The following TTC34 variants were observed in gnomAD, a reference collection of about 807,000 sequenced individuals.
TTC34 encodes the protein tetratricopeptide repeat protein 34.
In TTC34, 44 loss-of-function variants were observed where a neutral mutation model predicts 40.7. That is an observed-to-expected ratio of 1.08 (90% CI 0.85 to 1.39). The LOEUF (loss-of-function observed/expected upper bound fraction) is 1.39. TTC34 is among the 40% of genes most tolerant of loss of function. The pLI is 0.00. For missense variants in TTC34, 884 were observed against 838.0 expected (o/e 1.05, Z -0.68); for synonymous variants, 422 against 398.6 (o/e 1.06, Z -0.70).
chr1:2,654,260 G>A (rs1382573438), intron 6 of TTC34, among the ~76,000 whole-genome samples: 1 of 151,670 alleles, frequency 6.6e-6, no homozygotes, highest in Non-Finnish European at 1.5e-5. Context: ...CACCAGGTGA[G>A]CATCTGACAG....
chr1:2,653,378 G>A (rs1225950918), intron 6 of TTC34, among the ~76,000 whole-genome samples: 1 of 144,656 alleles, frequency 6.9e-6, no homozygotes, highest in Non-Finnish European at 1.5e-5. Context: ...CCCCAGGCGA[G>A]CATCTGACAG....
chr1:2,778,587 C>T (rs1643398134), intron 6 of TTC34, among the ~76,000 whole-genome samples: 1 of 152,192 alleles, frequency 6.6e-6, no homozygotes, highest in East Asian at 1.9e-4. Flanking sequence ...CTCTCCTGCC[C>T]CTCCTGCATT....
intron 6 of TTC34, among the ~76,000 whole-genome samples, chr1:2,684,924 G>A (rs1471252140): frequency 5.9e-5 from 8 of 135,692 alleles, no homozygotes; most frequent in Non-Finnish European, 1.1e-4. Context: ...GCACACCCAG[G>A]TGAGCATCCG....
intron 6 of TTC34, among the ~76,000 whole-genome samples, chr1:2,646,031 C>T (rs1050672312): frequency 6.6e-5 from 10 of 152,106 alleles, no homozygotes; most frequent in Non-Finnish European, 1.0e-4. Flanking sequence ...GTCTTGGGGA[C>T]GCCGGAAGGG....
At chr1:2,694,215 AT>A (rs1640758408) in intron 6 of TTC34, among the ~76,000 whole-genome samples, 6 of 125,866 alleles carry the variant, frequency 4.8e-5, no homozygotes, top group Admixed American at 7.6e-5. Flanking sequence ...GACAGCCTGG[AT>A]CAGCACCCAC....
At chr1:2,767,376 C>T (rs1641799176) in intron 6 of TTC34, among the ~76,000 whole-genome samples, 1 of 124,714 alleles carries the variant, frequency 8.0e-6, no homozygotes, top group South Asian at 3.4e-4. Flanking sequence ...AGGTGAGCAT[C>T]CGACAGCCTG....
chr1:2,675,211 G>T (rs1639859790), intron 6 of TTC34, among the ~76,000 whole-genome samples: 3 of 146,974 alleles, frequency 2.0e-5, no homozygotes, highest in Admixed American at 1.4e-4. Flanking sequence ...CCCCAGGTGA[G>T]CATCTGAGAG....
chr1:2,775,850 A>G (rs897103365), intron 6 of TTC34, among the ~76,000 whole-genome samples: 1 of 143,302 alleles, frequency 7.0e-6, no homozygotes, highest in Non-Finnish European at 1.5e-5. Flanking sequence ...GAGGATGCTC[A>G]CCTGAGGTTG....
intron 6 of TTC34, among the ~76,000 whole-genome samples, chr1:2,754,910 G>A (rs1344615638): frequency 4.0e-5 from 3 of 74,188 alleles, no homozygotes; most frequent in Non-Finnish European, 6.9e-5. Context: ...CCCCAGGGGA[G>A]CATCTGACAG....
intron 6 of TTC34, among the ~76,000 whole-genome samples, chr1:2,757,772 C>CAG: frequency 7.8e-6 from 1 of 127,722 alleles, no homozygotes. Context: ...GCATCTGAAC[C>CAG]CACGGAGCAG....
Position 2,677,661 on chromosome 1 carries a change from G to T in TTC34, c.2227-32098C>A, listed in dbSNP as rs1639959840. 2.6e-5 allele frequency among the ~76,000 whole-genome samples: 4 copies of T among 151,744 alleles called. No individual in the cohort carries two copies. The South Asian group carries it at 8.3e-4, about 32-fold the overall frequency. ...GAACAGCACACACACCCCCAGGCGAGCATCTGACAGCCTGGAACAGCACCC... is the reference window on the plus strand; with the variant it reads ...GAACAGCACACACACCCCCAGGCGATCATCTGACAGCCTGGAACAGCACCC... On this transcript the variant is annotated intron_variant, in intron 6 of 8. Transcript: ENST00000401095.
chr1:2,685,836 C>A (rs1570812213), intron 6 of TTC34, among the ~76,000 whole-genome samples: 2 of 135,832 alleles, frequency 1.5e-5, no homozygotes, highest in Non-Finnish European at 3.2e-5. Context: ...ACGGCACCCC[C>A]ATGCCCAGGT....
Position 2,645,314 on chromosome 1 carries a change from C to T in TTC34, c.2476G>A (p.Ala826Thr). ...ATACCCTGTGCCATGAGAATGTCTGCCAGGAGGAGGTGCCAGTGCGGTTGC... is the reference window on the plus strand; with the variant it reads ...ATACCCTGTGCCATGAGAATGTCTGTCAGGAGGAGGTGCCAGTGCGGTTGC... The change falls in exon 7 of 9, where the codon GCA (alanine) becomes ACA (threonine). Residue 826 changes from alanine (A) to threonine (T), a missense_variant. Transcript: ENST00000401095. The surrounding 1 kb of genome is among the most constrained non-coding windows in gnomAD (Gnocchi z 4.7). The T allele has an allele frequency of 6.7e-7, 1 of 1,501,830 alleles. No homozygotes were observed. The highest frequency in any genetic ancestry group is 8.9e-7 in the Non-Finnish European group (1 of 1,127,848). The allele number at this position is 1,501,830 out of a possible 1,614,324, so 93.0% of individuals were successfully genotyped here. A position where few individuals can be genotyped will look rare whatever the true frequency, so the allele number is the denominator to read the frequency against.
intron 6 of TTC34, among the ~76,000 whole-genome samples, chr1:2,655,929 C>G (rs75241797): frequency 5.3e-5 from 8 of 150,984 alleles, no homozygotes; most frequent in African/African-American, 2.0e-4. Flanking sequence ...GGAGCAGCAC[C>G]CACAGCCCAA....
intron 2 of TTC34, 110 bp downstream of exon 2, chr1:2,799,934 C>A (rs571151155): frequency 6.5e-5 from 26 of 397,966 alleles, no homozygotes; most frequent in African/African-American, 4.9e-4. Context: ...ACTGAGGCAC[C>A]CCAGCCCCAG....
At chr1:2,690,260 A>ACC (rs1640556861) in intron 6 of TTC34, among the ~76,000 whole-genome samples, 1 of 40,862 alleles carries the variant, frequency 2.4e-5, no homozygotes, top group African/African-American at 8.8e-5. Flanking sequence ...CACCCTGCAC[A>ACC]CCCAGGTGAG....
chr1:2,645,587 G>GGGGGGGGGGGGGGGGCCC lies in TTC34; in HGVS notation c.2227-25_2227-24insGGGCCCCCCCCCCCCCCC. 4.4e-6 allele frequency: 1 copy of GGGGGGGGGGGGGGGGCCC among 229,534 alleles called. No homozygotes were observed. The allele number at this position is 229,534 out of a possible 1,614,324, so 14.2% of individuals were successfully genotyped here. A position where few individuals can be genotyped will look rare whatever the true frequency, so the allele number is the denominator to read the frequency against. ...TCCTGCAAGGAGGGAGGGCGGGCGG[G>GGGGGGGGGGGGGGGGCCC]TGCAGAGTTGTCCTAAGTAGAGAAA... On this transcript the variant is annotated intron_variant, in intron 6 of 8. Transcript: ENST00000401095. The surrounding 1 kb of genome is among the most constrained non-coding windows in gnomAD (Gnocchi z 4.7).
chr1:2,753,354 C>T (rs1388420558), intron 6 of TTC34, among the ~76,000 whole-genome samples: 79 of 108,554 alleles, frequency 7.3e-4, no homozygotes, highest in East Asian at 2.1e-3. Context: ...GAGCATCTGA[C>T]AGCCTAGAAC....
intron 6 of TTC34, among the ~76,000 whole-genome samples, chr1:2,768,366 A>G (rs1379858058): frequency 1.3e-5 from 2 of 151,708 alleles, no homozygotes; most frequent in African/African-American, 4.8e-5. Context: ...CGCGTGGAAA[A>G]CCATGCCCAC....
Sources: gnomAD v4.1 joint callset for allele counts (sites outside exome capture counted in the v4.1 genomes callset) on GRCh38, gnomAD v4.1.1 for gene constraint, Gnocchi (gnomAD v3.1) non-coding constraint, MANE v1.5 for transcripts, NCBI Gene and HGNC (gene_info 2026-07-23, HGNC 2026-07-21) for gene names.